NRXN3: variants seen among roughly 807,000 people sequenced by gnomAD.
The protein encoded by NRXN3 is neurexin III.
NRXN3 carries 32 observed loss-of-function variants against 137.6 expected under a neutral mutation model. The ratio of observed to expected loss-of-function variants is 0.23; its 90% CI spans 0.18 to 0.31. NRXN3 has a LOEUF of 0.31. NRXN3 is among the 10% of genes least tolerant of loss of function. The pLI, the probability that NRXN3 is intolerant of heterozygous loss-of-function variation, is 1.00. For synonymous variants in NRXN3, 798 were observed against 784.5 expected (o/e 1.02, Z -0.29); for missense variants, 1,574 against 2,062.5 (o/e 0.76, Z 4.59).
At chr14:78,398,251 C>A (rs2091706752) in intron 4 of NRXN3, among the ~76,000 whole-genome samples, 1 of 148,732 alleles carries the variant, frequency 6.7e-6, no homozygotes, top group Non-Finnish European at 1.5e-5. Context: ...GTAATTCTAA[C>A]ATTTCCATCA....
chr14:79,161,019 G>A (rs997038720), intron 15 of NRXN3, among the ~76,000 whole-genome samples: 5 of 151,892 alleles, frequency 3.3e-5, no homozygotes, highest in African/African-American at 4.8e-5. Flanking sequence ...CTTCTCTTAC[G>A]TCTATTGCTA....
At position 79,161,592 on chromosome 14, in the gene NRXN3, G is replaced by A. The variant is rs911401781; in HGVS notation, c.3262+173451G>A. On this transcript the variant is annotated intron_variant, in intron 15 of 20. Coordinates refer to ENST00000335750, the MANE Select transcript of NRXN3 (RefSeq NM_001330195.2). Reference sequence around the variant, plus strand: ...TTGGATGTATGCTAAAGCGTGTTCAGTATGTGTTTTGAAATATCTTTGAAA... The same window carrying A: ...TTGGATGTATGCTAAAGCGTGTTCAATATGTGTTTTGAAATATCTTTGAAA... Among the ~76,000 whole-genome samples the A allele has an allele frequency of 4.6e-5, 7 of 152,082 alleles. No homozygotes were observed. The East Asian group carries it at 1.4e-3, about 30-fold the overall frequency.
intron 15 of NRXN3, among the ~76,000 whole-genome samples, chr14:79,265,259 T>C (rs1419086259): frequency 1.4e-5 from 2 of 144,866 alleles, no homozygotes; most frequent in Non-Finnish European, 3.0e-5. Context: ...TTTTTTTAAA[T>C]TTTCCTGATT....
rs140356160 is a variant in NRXN3, at chr14:78,189,531, A to T, written c.-704+18857A>T. On this transcript the variant is annotated intron_variant, in intron 1 of 20. Coordinates refer to ENST00000335750, the MANE Select transcript of NRXN3 (RefSeq NM_001330195.2). Reference sequence around the variant, plus strand: ...TGCTGGCCTCCTTGATGCCACTTAAACTCTCTGATCCCAGTCCCACCTCCA... The same window carrying T: ...TGCTGGCCTCCTTGATGCCACTTAATCTCTCTGATCCCAGTCCCACCTCCA... Among the ~76,000 whole-genome samples, 69 of 149,444 alleles carry T rather than the reference A, an allele frequency of 4.6e-4. No homozygotes were observed. In the East Asian group the frequency reaches 8.6e-3, roughly 19 times the overall value.
chr14:79,139,636 T>C (rs1377109409), intron 15 of NRXN3, among the ~76,000 whole-genome samples: 1 of 152,146 alleles, frequency 6.6e-6, no homozygotes, highest in East Asian at 1.9e-4. Flanking sequence ...TATATGTCTT[T>C]ATTCTCTATC....
At chr14:78,595,644 T>C (rs2152419146) in intron 4 of NRXN3, among the ~76,000 whole-genome samples, 1 of 152,356 alleles carries the variant, frequency 6.6e-6, no homozygotes. Context: ...ATTGTCTTGT[T>C]TGATCCCTAT....
intron 15 of NRXN3, among the ~76,000 whole-genome samples, chr14:78,994,256 A>G (rs1403374791): frequency 6.6e-6 from 1 of 152,190 alleles, no homozygotes; most frequent in African/African-American, 2.4e-5. Flanking sequence ...TATATGCTGC[A>G]GTCACTGTTA....
At chr14:78,409,726 T>C (rs1363063784) in intron 4 of NRXN3, among the ~76,000 whole-genome samples, 2 of 152,230 alleles carry the variant, frequency 1.3e-5, no homozygotes, top group Non-Finnish European at 2.9e-5. Context: ...AAGGAGCTTA[T>C]TGAAAAGATA....
At chr14:78,661,365 T>C (rs910286399) in intron 6 of NRXN3, among the ~76,000 whole-genome samples, 1 of 152,224 alleles carries the variant, frequency 6.6e-6, no homozygotes, top group African/African-American at 2.4e-5. Flanking sequence ...ACACATTTTG[T>C]GATATTCTCA....
At chr14:78,733,642 T>C (rs1179510706) in intron 8 of NRXN3, among the ~76,000 whole-genome samples, 1 of 152,144 alleles carries the variant, frequency 6.6e-6, no homozygotes, top group Non-Finnish European at 1.5e-5. Flanking sequence ...AGCTTGTTGC[T>C]CTAAGTCAAC....
chr14:78,349,165 C>T (rs1327464811), intron 4 of NRXN3, among the ~76,000 whole-genome samples: 4 of 152,276 alleles, frequency 2.6e-5, no homozygotes, highest in African/African-American at 9.6e-5. Flanking sequence ...GTAATAATCT[C>T]CATTGTCTAA....
At chr14:79,710,970 G>T (rs749752173) in intron 19 of NRXN3, among the ~76,000 whole-genome samples, 33 of 151,900 alleles carry the variant, frequency 2.2e-4, no homozygotes, top group Non-Finnish European at 3.4e-4. Context: ...AAAAACTTTA[G>T]CATGCTGATT....
chr14:78,858,429 A>G (rs895063173), intron 10 of NRXN3, among the ~76,000 whole-genome samples: 3 of 152,166 alleles, frequency 2.0e-5, no homozygotes, highest in Admixed American at 1.3e-4. Context: ...TAGATGTTCT[A>G]CCTTCACTAG....
rs142236897 is a variant in NRXN3, at chr14:78,903,706, A to T, written c.2276-53536A>T. Among the ~76,000 whole-genome samples, 842 of 152,072 alleles carry T rather than the reference A, an allele frequency of 5.5e-3. 11 individuals are homozygous for T. The highest frequency in any genetic ancestry group is 6.5e-3 in the Non-Finnish European group (442 of 67,936). ...TATTATTGACTTTACAGAAGAAGAA[A>T]CTCGTGTCATACTTATATGACTTTT... On this transcript the variant is annotated intron_variant, in intron 10 of 20. Coordinates refer to ENST00000335750, the MANE Select transcript of NRXN3 (RefSeq NM_001330195.2).
chr14:79,126,508 C>T (rs915100552), intron 15 of NRXN3, among the ~76,000 whole-genome samples: 9 of 152,166 alleles, frequency 5.9e-5, no homozygotes, highest in Non-Finnish European at 1.0e-4. Flanking sequence ...ATGAACTCAT[C>T]ATTTTTTATG....
chr14:79,076,650 T>C (rs1241714426), intron 15 of NRXN3, among the ~76,000 whole-genome samples: 1 of 152,230 alleles, frequency 6.6e-6, no homozygotes, highest in Non-Finnish European at 1.5e-5. Flanking sequence ...TCACCTCTAC[T>C]GTATTCTATT....
intron 15 of NRXN3, among the ~76,000 whole-genome samples, chr14:79,461,470 A>T (rs2096339692): frequency 6.6e-6 from 1 of 152,170 alleles, no homozygotes; most frequent in Non-Finnish European, 1.5e-5. Context: ...AACATTATTC[A>T]CTCCTAAAAC....
intron 4 of NRXN3, among the ~76,000 whole-genome samples, chr14:78,599,226 T>G (rs2097183241): frequency 1.3e-5 from 2 of 152,176 alleles, no homozygotes; most frequent in Non-Finnish European, 2.9e-5. Context: ...GGAAAGGAAA[T>G]GAGGGGAAAT....
chr14:79,575,325 G>A (rs2097653781), intron 16 of NRXN3, among the ~76,000 whole-genome samples: 1 of 152,142 alleles, frequency 6.6e-6, no homozygotes, highest in African/African-American at 2.4e-5. Flanking sequence ...GAAGACGGAA[G>A]CGTGGTAAGG....
Sources: allele counts gnomAD v4.1 joint callset (sites outside exome capture counted in the v4.1 genomes callset), GRCh38; gene constraint gnomAD v4.1.1; transcripts MANE v1.5; gene names NCBI Gene and HGNC (gene_info 2026-07-23, HGNC 2026-07-21).